DLGAP2: variants seen among roughly 807,000 people sequenced by gnomAD.
The protein encoded by DLGAP2 is disks large-associated protein 2.
A neutral mutation model predicts 100.3 loss-of-function variants in DLGAP2; 26 were observed. That is an observed-to-expected ratio of 0.26 (90% CI 0.19 to 0.36). The LOEUF (loss-of-function observed/expected upper bound fraction) is 0.36, where lower values mean the gene tolerates loss of function less well. DLGAP2 is among the 10% of genes least tolerant of loss of function. The pLI is 1.00. For missense variants in DLGAP2, 1,858 were observed against 1,453.2 expected (o/e 1.28, Z -4.53); for synonymous variants, 886 against 630.1 (o/e 1.41, Z -6.08).
intron 2 of DLGAP2, among the ~76,000 whole-genome samples, chr8:1,182,809 G>A (rs1217924947): frequency 2.0e-5 from 3 of 152,154 alleles, no homozygotes; most frequent in Admixed American, 6.5e-5. Flanking sequence ...TCCACGGGTC[G>A]GCAACTCTGG....
rs117461197 is a variant in DLGAP2, at chr8:1,443,652, C to G, written c.107-57714C>G. 1.1e-3 allele frequency among the ~76,000 whole-genome samples: 168 copies of G among 152,308 alleles called. 2 individuals are homozygous for G. In the East Asian group the frequency reaches 0.028, roughly 26 times the overall value. ...AGGTGAATGAGCAGCAAAGTCACAT[C>G]TTACATGGTGGCAGAGAAGACGGCT... is the stretch of plus-strand genomic sequence containing the variant. On this transcript the variant is annotated intron_variant, in intron 3 of 14. Transcript: ENST00000637795.
intron 1 of DLGAP2, among the ~76,000 whole-genome samples, chr8:794,201 C>A (rs948196303): frequency 2.3e-5 from 3 of 131,278 alleles, no homozygotes; most frequent in African/African-American, 2.9e-5. Context: ...GTGGGTGGGG[C>A]GTGTTTCTAG....
At chr8:1,093,365 AAACACCTTCACACCAACAGCCAG>A (rs1804250530) in intron 2 of DLGAP2, among the ~76,000 whole-genome samples, 3 of 151,778 alleles carry the variant, frequency 2.0e-5, no homozygotes, top group African/African-American at 7.3e-5. Context: ...CAACAGCCAG[AAACACCTTCACACCAACAGCCAG>A]ACCGAAACAC....
chr8:842,713 C>G (rs1279874460), intron 1 of DLGAP2, among the ~76,000 whole-genome samples: 1 of 152,150 alleles, frequency 6.6e-6, no homozygotes, highest in Admixed American at 6.5e-5. Context: ...CTAATATTTG[C>G]AACTTCATTT....
At chr8:831,983 T>TA (rs1322413621) in intron 1 of DLGAP2, among the ~76,000 whole-genome samples, 1 of 152,222 alleles carries the variant, frequency 6.6e-6, no homozygotes, top group Non-Finnish European at 1.5e-5. Context: ...CTTTTTTTCA[T>TA]ATGTTTGTTG....
chr8:1,365,604 G>T (rs1802091002), intron 3 of DLGAP2, among the ~76,000 whole-genome samples: 1 of 152,186 alleles, frequency 6.6e-6, no homozygotes, highest in Non-Finnish European at 1.5e-5. Flanking sequence ...CTGCTACCTG[G>T]ATGTCCTCTA....
intron 6 of DLGAP2, among the ~76,000 whole-genome samples, chr8:1,571,244 G>A (rs1274535138): frequency 2.2e-5 from 3 of 138,204 alleles, no homozygotes; most frequent in African/African-American, 5.5e-5. Context: ...ATGAGATGGA[G>A]AAGAGAGAGG....
intron 3 of DLGAP2, among the ~76,000 whole-genome samples, chr8:1,476,183 T>A (rs1798924889): frequency 6.6e-6 from 1 of 152,200 alleles, no homozygotes. Flanking sequence ...TGAGCAAAGG[T>A]GCTTTCATGG....
intron 3 of DLGAP2, among the ~76,000 whole-genome samples, chr8:1,304,757 A>G (rs971436948): frequency 3.3e-5 from 5 of 152,230 alleles, no homozygotes; most frequent in African/African-American, 1.2e-4. Flanking sequence ...ACCCCTTGCT[A>G]CATGAACATT....
chr8:1,039,416 A>G (rs113684091), intron 2 of DLGAP2, among the ~76,000 whole-genome samples: 6 of 140,998 alleles, frequency 4.3e-5, no homozygotes, highest in South Asian at 2.3e-4. Flanking sequence ...TTCTGTGGTC[A>G]GCTCGGTTTC....
intron 2 of DLGAP2, among the ~76,000 whole-genome samples, chr8:1,257,054 C>T (rs1001003418): frequency 2.6e-5 from 4 of 152,172 alleles, no homozygotes; most frequent in African/African-American, 4.8e-5. Context: ...CTCCCGTCCC[C>T]TCCACCGGCG....
At chr8:1,294,069 C>T (rs900712787) in intron 3 of DLGAP2, among the ~76,000 whole-genome samples, 1 of 152,154 alleles carries the variant, frequency 6.6e-6, no homozygotes, top group East Asian at 1.9e-4. Context: ...TGGACTCGCC[C>T]TCGCTTCCTG....
At chr8:1,385,874 G>C (rs555576528) in intron 3 of DLGAP2, among the ~76,000 whole-genome samples, 1 of 152,252 alleles carries the variant, frequency 6.6e-6, no homozygotes, top group Non-Finnish European at 1.5e-5. Context: ...CAGTTACCCG[G>C]CCTGTGCCCG....
At chr8:892,725 C>T (rs1407611664) in intron 1 of DLGAP2, among the ~76,000 whole-genome samples, 3 of 152,104 alleles carry the variant, frequency 2.0e-5, no homozygotes, top group East Asian at 1.9e-4. Context: ...AACCACCAGG[C>T]GGGGCAGAGG....
chr8:1,082,296 T>C (rs1390770742), intron 2 of DLGAP2, among the ~76,000 whole-genome samples: 3 of 152,228 alleles, frequency 2.0e-5, no homozygotes, highest in African/African-American at 4.8e-5. Context: ...GAAAAATCTT[T>C]TACACATTGA....
At chr8:1,033,560 A>AG (rs1487606761) in intron 2 of DLGAP2, among the ~76,000 whole-genome samples, 1 of 152,048 alleles carries the variant, frequency 6.6e-6, no homozygotes, top group Non-Finnish European at 1.5e-5. Context: ...CCCAGCTACT[A>AG]GGGGGGCCAA....
chr8:871,719 T>A (rs1263739715), intron 1 of DLGAP2, among the ~76,000 whole-genome samples: 3 of 152,136 alleles, frequency 2.0e-5, no homozygotes, highest in Non-Finnish European at 2.9e-5. Flanking sequence ...AAAAACCAAT[T>A]TGAAGTACTT....
chr8:1,419,739 G>C lies in DLGAP2; in HGVS notation c.107-81627G>C, dbSNP rs149651900. 1.0e-3 allele frequency among the ~76,000 whole-genome samples: 156 copies of C among 152,278 alleles called. No homozygotes were observed. The East Asian group carries it at 0.016, about 16-fold the overall frequency. Reference sequence around the variant, plus strand: ...CAGTTCTAGCAAGGATGTGGAGAAGGGAATTCTTATAATGTTGGTGAGAAT... The same window carrying C: ...CAGTTCTAGCAAGGATGTGGAGAAGCGAATTCTTATAATGTTGGTGAGAAT... On this transcript the variant is annotated intron_variant, in intron 3 of 14. Transcript: ENST00000637795.
intron 3 of DLGAP2, among the ~76,000 whole-genome samples, chr8:1,453,137 A>T (rs1798209194): frequency 6.6e-6 from 1 of 152,020 alleles, no homozygotes; most frequent in African/African-American, 2.4e-5. Context: ...AGGAAGGGGA[A>T]CGTCGCAGGT....
Sources: gnomAD v4.1 joint callset for allele counts (sites outside exome capture counted in the v4.1 genomes callset) on GRCh38, gnomAD v4.1.1 for gene constraint, MANE v1.5 for transcripts, NCBI Gene and HGNC (gene_info 2026-07-23, HGNC 2026-07-21) for gene names.